PTK2B: variants seen among roughly 807,000 people sequenced by gnomAD.
PTK2B encodes the protein protein-tyrosine kinase 2-beta.
PTK2B carries 71 observed loss-of-function variants against 142.9 expected under a neutral mutation model. That is an observed-to-expected ratio of 0.50 (90% CI 0.41 to 0.61). PTK2B has a LOEUF of 0.61. PTK2B is among the 20% of genes least tolerant of loss of function. The pLI, the probability that PTK2B is intolerant of heterozygous loss-of-function variation, is 0.00. For missense variants in PTK2B, 1,105 were observed against 1,320.4 expected, an observed-to-expected ratio of 0.84 and a Z score of 2.53; for synonymous variants, 519 against 503.4, an observed-to-expected ratio of 1.03 and a Z score of -0.42.
chr8:27,312,882 A>C (rs1022761110), intron 2 of PTK2B, among the ~76,000 whole-genome samples: 2 of 152,186 alleles, frequency 1.3e-5, no homozygotes, highest in Non-Finnish European at 2.9e-5. Context: ...GTCCTACCCC[A>C]TACCTGTTAG....
chr8:27,419,065 A>T (rs1292541727), intron 2 of PTK2B, among the ~76,000 whole-genome samples: 1 of 152,126 alleles, frequency 6.6e-6, no homozygotes, highest in African/African-American at 2.4e-5. Flanking sequence ...TTTCAGAACT[A>T]GGCAGGGCCT....
chr8:27,331,238 C>G (rs1262215053), intron 1 of PTK2B, among the ~76,000 whole-genome samples: 2 of 152,146 alleles, frequency 1.3e-5, no homozygotes. Context: ...AATGCCCTTT[C>G]TTTCTTGAGG....
At chr8:27,429,586 G>A (rs1810282965) in intron 5 of PTK2B, among the ~76,000 whole-genome samples, 1 of 152,216 alleles carries the variant, frequency 6.6e-6, no homozygotes, top group Non-Finnish European at 1.5e-5. Flanking sequence ...GTAAGACTAT[G>A]AATAATTTTA....
intron 4 of PTK2B, among the ~76,000 whole-genome samples, chr8:27,421,015 G>A (rs1186410978): frequency 1.3e-5 from 2 of 152,200 alleles, no homozygotes; most frequent in African/African-American, 4.8e-5. Flanking sequence ...TAGTGAAACA[G>A]CAAGAGCAGG....
intron 10 of PTK2B, among the ~76,000 whole-genome samples, chr8:27,432,679 G>A (rs1810509936): frequency 6.6e-6 from 1 of 152,156 alleles, no homozygotes; most frequent in Non-Finnish European, 1.5e-5. Context: ...GAACAAGGAT[G>A]CGGACATCAA....
intron 3 of PTK2B, among the ~76,000 whole-genome samples, chr8:27,319,731 A>G (rs1803170445): frequency 1.3e-5 from 2 of 152,088 alleles, no homozygotes; most frequent in South Asian, 4.1e-4. Context: ...GGAAATGCAC[A>G]TGTACTTCTA....
rs759712843 is a variant in PTK2B at position 27,434,105 on chromosome 8, G to T, written c.1118G>T (p.Arg373Leu). ...IIHPRKDGEK[R>L]NSLPQIPMLN... ...CCTCTCTTCCTAGATGGTGAGAAGC[G>T]GAACAGCCTGCCCCAGATCCCCATG... The change falls in exon 12 of 31, where the codon CGG (arginine) becomes CTG (leucine). Residue 373 changes from arginine to leucine, a missense_variant. Transcript: ENST00000346049. 27 of 1,613,990 alleles carry T rather than the reference G, an allele frequency of 1.7e-5. No homozygotes were observed. Among genetic ancestry groups the T allele is most frequent in the African/African-American group, 2.7e-5 (2 of 74,898 alleles).
chr8:27,422,064 G>C (rs1213956031), intron 4 of PTK2B, among the ~76,000 whole-genome samples: 1 of 152,196 alleles, frequency 6.6e-6, no homozygotes, highest in Admixed American at 6.5e-5. Context: ...TGAACTTCCT[G>C]CCTGTGGAGC....
chr8:27,356,639 C>T (rs1163747925), intron 1 of PTK2B, among the ~76,000 whole-genome samples: 1 of 152,222 alleles, frequency 6.6e-6, no homozygotes, highest in Non-Finnish European at 1.5e-5. Context: ...TGTCAAAGAG[C>T]TGCAGTCAAT....
chr8:27,430,775 A>T, intron 7 of PTK2B, 101 bp from the exon 8 acceptor site: 1 of 1,470,792 alleles, frequency 6.8e-7, no homozygotes, highest in Non-Finnish European at 9.2e-7. Context: ...GGCCCTGGGG[A>T]TCATTTTCGA....
intron 1 of PTK2B, among the ~76,000 whole-genome samples, chr8:27,348,183 A>T (rs1158392122): frequency 2.0e-5 from 3 of 152,242 alleles, no homozygotes; most frequent in African/African-American, 7.2e-5. Context: ...AACCAGTGAA[A>T]CTGGATGCCT....
At chr8:27,435,306 C>T (rs1031804642) in intron 13 of PTK2B, among the ~76,000 whole-genome samples, 11 of 152,208 alleles carry the variant, frequency 7.2e-5, no homozygotes, top group Non-Finnish European at 1.0e-4. Flanking sequence ...GGGCTCCACG[C>T]TCAGGACTGC....
intron 4 of PTK2B, among the ~76,000 whole-genome samples, chr8:27,421,758 C>T (rs1032888079): frequency 6.6e-6 from 1 of 152,248 alleles, no homozygotes; most frequent in African/African-American, 2.4e-5. Flanking sequence ...ATAACCAGCT[C>T]TCAGCAGCTA....
rs1449760947 is a variant in PTK2B, at chr8:27,459,061, C to G, written c.*552C>G. 4.0e-6 allele frequency: 1 copy of G among 250,964 alleles called. No individual in the cohort carries two copies. The highest frequency in any genetic ancestry group is 7.9e-6 in the Non-Finnish European group (1 of 127,014). 15.5% of individuals were successfully genotyped at this position (250,964 alleles called of 1,614,324 possible). On this transcript the variant is annotated 3_prime_UTR_variant, in exon 31 of 31. Transcript: ENST00000346049. ...GTCTGGACTGACAGCATGTGCCCTC[C>G]TGAGGGAGGACCTGGGGCACAGTCC... is the stretch of plus-strand genomic sequence containing the variant.
chr8:27,452,800 C>T (rs1192768478), intron 27 of PTK2B: 1 of 466,014 alleles, frequency 2.1e-6, no homozygotes, highest in Non-Finnish European at 3.8e-6. Flanking sequence ...TCAGATCACC[C>T]AGTACTGTTC....
intron 1 of PTK2B, chr8:27,380,503 A>G (rs1394429688): frequency 6.6e-6 from 1 of 151,636 alleles, no homozygotes; most frequent in East Asian, 1.9e-4. Flanking sequence ...GTTCCCCCAA[A>G]TTTTCTGAAC....
At chr8:27,410,641 T>C (rs1563262104) in intron 2 of PTK2B, among the ~76,000 whole-genome samples, 2 of 152,220 alleles carry the variant, frequency 1.3e-5, no homozygotes, top group Non-Finnish European at 2.9e-5. Flanking sequence ...AGTGAGACAA[T>C]AGAGATCACT....
intron 29 of PTK2B, 57 bp from the exon 30 acceptor site, chr8:27,454,474 A>G: frequency 6.3e-7 from 1 of 1,586,290 alleles, no homozygotes; most frequent in Non-Finnish European, 8.7e-7. Flanking sequence ...CCCAGGGGAA[A>G]CCTGGCTCTC....
intron 2 of PTK2B, among the ~76,000 whole-genome samples, chr8:27,418,579 G>T (rs1454878643): frequency 6.6e-6 from 1 of 152,150 alleles, no homozygotes; most frequent in Non-Finnish European, 1.5e-5. Flanking sequence ...TTAGGCTGAT[G>T]TAGGCTTGAT....
Sources: allele counts gnomAD v4.1 joint callset (sites outside exome capture counted in the v4.1 genomes callset), GRCh38; gene constraint gnomAD v4.1.1; transcripts MANE v1.5; gene names NCBI Gene and HGNC (gene_info 2026-07-23, HGNC 2026-07-21).